Variants in NSD1 observed in about 807,000 individuals in gnomAD.
NSD1 encodes the protein histone-lysine N-methyltransferase, H3 lysine-36 specific.
In NSD1, 26 loss-of-function variants were observed where a neutral mutation model predicts 242.7. That is an observed-to-expected ratio of 0.11 (90% CI 0.08 to 0.15). The LOEUF (loss-of-function observed/expected upper bound fraction) is 0.15. Among genes scored for constraint, NSD1 ranks in the 10% least tolerant of loss-of-function variants. The pLI, the probability that NSD1 is intolerant of heterozygous loss-of-function variation, is 1.00. For missense variants in NSD1, 2,495 were observed against 3,272.8 expected, an observed-to-expected ratio of 0.76 and a Z score of 5.80; for synonymous variants, 1,106 against 1,178.1, an observed-to-expected ratio of 0.94 and a Z score of 1.25.
chr5:177,256,893 G>T (rs1013704878), intron 12 of NSD1, 58 bp from the exon 13 acceptor site: 1 of 1,446,476 alleles, frequency 6.9e-7, no homozygotes, highest in Non-Finnish European at 9.7e-7. Flanking sequence ...TCACCTAATG[G>T]TTTAGCATTT....
rs1756231832 is a variant in NSD1 at position 177,135,437 on chromosome 5, G to T, written c.334G>T (p.Val112Phe). Residue 112 changes from valine (V) to phenylalanine (F), a missense_variant, in exon 2 of 23, where the codon GTT (valine) becomes TTT (phenylalanine). Coordinates refer to ENST00000439151, the MANE Select transcript of NSD1 (RefSeq NM_022455.5). ...TGATTCAAGAGCTCAGACGCCAATT[G>T]TTTGCACTTCCTTGAGTCCTGGTGG... The part of the protein sequence containing the change: ...KSDSRAQTPI[V>F]CTSLSPGGPT... The T allele has an allele frequency of 6.2e-7, 1 of 1,614,146 alleles. No homozygotes were observed. The highest frequency in any genetic ancestry group is 8.5e-7 in the Non-Finnish European group (1 of 1,180,016).
intron 2 of NSD1, among the ~76,000 whole-genome samples, chr5:177,185,812 T>A (rs1761102644): frequency 1.2e-5 from 1 of 82,602 alleles, no homozygotes. Context: ...TATATAAATT[T>A]ATATATATAA....
chr5:177,266,403 G>C (rs1289880772), intron 14 of NSD1: 1 of 650,990 alleles, frequency 1.5e-6, no homozygotes, highest in African/African-American at 1.8e-5. Context: ...TTGTGTCCGA[G>C]CCCACATCCA....
chr5:177,135,896 A>T lies in NSD1; in HGVS notation c.793A>T (p.Ile265Phe), dbSNP rs771587260. Residue 265 changes from isoleucine to phenylalanine, a missense_variant, in exon 2 of 23, where the codon ATT (isoleucine) becomes TTT (phenylalanine). This residue lies in a region of NSD1 where 376 missense variants were observed against 367.4 expected (regional missense o/e 1.02). Transcript: ENST00000439151. ...CCCCTTTTCACTAGGAGACACAAAC[A>T]TTACAATAGAAGAGCAATTAAACTC... is the stretch of plus-strand genomic sequence containing the variant. Reference protein sequence around the residue: ...PAPFSLGDTNITIEEQLNSIN... With the variant: ...PAPFSLGDTNFTIEEQLNSIN... The T allele has an allele frequency of 1.2e-6, 2 of 1,611,202 alleles. No homozygotes were observed. The highest frequency in any genetic ancestry group is 1.3e-5 in the African/African-American group (1 of 74,992).
rs575892012 is a variant in NSD1 at position 177,135,090 on chromosome 5, G to T, written c.-14G>T. ...TTGCTGTGCTTTTGGATTCCAGGTT[G>T]ATGCCGGCCCAGGATGGATCAGACC... On this transcript the variant is annotated 5_prime_UTR_variant, in exon 2 of 23. Coordinates refer to ENST00000439151, the MANE Select transcript of NSD1 (RefSeq NM_022455.5). 6.2e-7 allele frequency: 1 copy of T among 1,613,908 alleles called. No individual in the cohort carries two copies. Among genetic ancestry groups the T allele is most frequent in the Admixed American group, 1.7e-5 (1 of 60,020 alleles).
At chr5:177,282,942 A>T (rs1759007304) in intron 19 of NSD1, among the ~76,000 whole-genome samples, 1 of 152,104 alleles carries the variant, frequency 6.6e-6, no homozygotes, top group Non-Finnish European at 1.5e-5. Flanking sequence ...TACTGATAAG[A>T]TTATGTAAAT....
intron 19 of NSD1, 117 bp downstream of exon 19, chr5:177,282,698 A>G (rs1758988720): frequency 2.4e-6 from 2 of 835,072 alleles, no homozygotes; most frequent in East Asian, 2.4e-5. Context: ...TCCCATACCC[A>G]TTGGGATTGC....
At chr5:177,271,659 T>A (rs1376442230) in intron 16 of NSD1, among the ~76,000 whole-genome samples, 1 of 152,182 alleles carries the variant, frequency 6.6e-6, no homozygotes, top group African/African-American at 2.4e-5. Flanking sequence ...AACCTCCAAG[T>A]ATTTGGTACA....
intron 2 of NSD1, among the ~76,000 whole-genome samples, chr5:177,154,097 A>C (rs1757937930): frequency 6.6e-6 from 1 of 152,160 alleles, no homozygotes; most frequent in African/African-American, 2.4e-5. Context: ...CGGCTCACTC[A>C]TATGGATGCT....
At chr5:177,207,938 G>T (rs886645742) in intron 4 of NSD1, among the ~76,000 whole-genome samples, 9 of 151,228 alleles carry the variant, frequency 6.0e-5, no homozygotes, top group Non-Finnish European at 2.9e-5. Context: ...GTGTGTGTGT[G>T]TTTTTAGTAG....
Position 177,235,833 on chromosome 5 carries a change from A to G in NSD1, c.3809A>G (p.Glu1270Gly). 1 of 1,614,048 alleles carries G rather than the reference A, an allele frequency of 6.2e-7. No homozygotes were observed. Among genetic ancestry groups the G allele is most frequent in the Non-Finnish European group, 8.5e-7 (1 of 1,179,936 alleles). ...AELPEPAVRS[E>G]KKRLRKPSKW... ...TATCATCTTTTAGCTGTGCGGTCAG[A>G]GAAGAAACGCCTTAGGAAGCCAAGC... Residue 1270 changes from glutamate (E) to glycine (G), a missense_variant, in exon 6 of 23, where the codon GAG (glutamate) becomes GGG (glycine). Around this residue, in one of 19 missense-constraint regions of NSD1, gnomAD observed 426 missense variants for 411.4 expected, o/e 1.04. Coordinates refer to ENST00000439151, the MANE Select transcript of NSD1 (RefSeq NM_022455.5).
chr5:177,242,424 TA>T (rs1473809702), intron 8 of NSD1, among the ~76,000 whole-genome samples: 2 of 152,156 alleles, frequency 1.3e-5, no homozygotes, highest in East Asian at 3.8e-4. Flanking sequence ...GATTTATTAA[TA>T]TGATAAAATG....
In NSD1 at chr5:177,210,255, T is replaced by C. The variant is rs1328802589; in HGVS notation, c.1856T>C (p.Val619Ala). The C allele has an allele frequency of 1.2e-6, 2 of 1,600,110 alleles. No individual in the cohort carries two copies. The highest frequency in any genetic ancestry group is 2.2e-5 in the East Asian group (1 of 44,692). ...CGAAGCCTGGTGTGTGGTTCAAAAG[T>C]GAAGCTCTGCTATATTGGAGCAGGT... ...PQRSLVCGSK[V>A]KLCYIGAGDE... Residue 619 changes from valine (V) to alanine (A), a missense_variant, in exon 5 of 23, where the codon GTG (valine) becomes GCG (alanine). By Grantham distance (64) the Val-to-Ala change is moderately conservative. This residue lies in a region of NSD1 where 515 missense variants were observed against 467.0 expected (regional missense o/e 1.10). Transcript: ENST00000439151.
chr5:177,192,302 G>A (rs1761755160), intron 3 of NSD1, among the ~76,000 whole-genome samples: 2 of 151,488 alleles, frequency 1.3e-5, no homozygotes, highest in African/African-American at 4.8e-5. Flanking sequence ...CCTCTGACTT[G>A]TGAGTTCAAG....
intron 5 of NSD1, among the ~76,000 whole-genome samples, chr5:177,212,465 C>G (rs1056962589): frequency 6.9e-6 from 1 of 145,080 alleles, no homozygotes; most frequent in Non-Finnish European, 1.5e-5. Flanking sequence ...CTCACTTTCT[C>G]TCTCTCTCTT....
At position 177,211,849 on chromosome 5, in the gene NSD1, T is replaced by G; in HGVS notation, c.3450T>G (p.Gly1150=). The G allele has an allele frequency of 6.2e-7, 1 of 1,613,720 alleles. No homozygotes were observed. The change falls in exon 5 of 23, where the codon GGT becomes GGG. Residue 1150 remains glycine (G), a synonymous_variant. Coordinates refer to ENST00000439151, the MANE Select transcript of NSD1 (RefSeq NM_022455.5). The part of the protein sequence containing the change: ...VMNSENDELN[G]VNQVVPKKRW... Reference sequence around the variant, plus strand: ...ACAGTGAGAATGATGAACTCAATGGTGTAAATCAAGTGGTGCCTAAAAAGC... The same window carrying G: ...ACAGTGAGAATGATGAACTCAATGGGGTAAATCAAGTGGTGCCTAAAAAGC...
chr5:177,143,757 G>A (rs1003715277), intron 2 of NSD1, among the ~76,000 whole-genome samples: 3 of 151,266 alleles, frequency 2.0e-5, no homozygotes, highest in Non-Finnish European at 4.4e-5. Context: ...TCATTGGAGG[G>A]TTGTTAAGTC....
chr5:177,193,510 C>T (rs182703142), intron 3 of NSD1, among the ~76,000 whole-genome samples: 19 of 152,124 alleles, frequency 1.2e-4, no homozygotes, highest in Admixed American at 2.6e-4. Flanking sequence ...CTCCTGACCT[C>T]AGGTGATCCT....
At chr5:177,265,569 C>CTCA in intron 14 of NSD1, 1 of 1,160,804 alleles carries the variant, frequency 8.6e-7, no homozygotes. Context: ...AGAGCCGGGC[C>CTCA]TCAGCACATC....
Sources: gnomAD v4.1 joint callset for allele counts (sites outside exome capture counted in the v4.1 genomes callset) on GRCh38, gnomAD v4.1.1 for gene constraint, gnomAD v4.1.1 regional missense constraint, MANE v1.5 for transcripts, NCBI Gene and HGNC (gene_info 2026-07-23, HGNC 2026-07-21) for gene names.